CHST12: variants seen among roughly 807,000 people sequenced by gnomAD.
CHST12 encodes carbohydrate sulfotransferase 12.
In CHST12, 23 loss-of-function variants were observed where a neutral mutation model predicts 27.9. That is an observed-to-expected ratio of 0.82 (90% CI 0.59 to 1.17). The LOEUF is 1.17. Among genes scored for constraint, CHST12 ranks in the 50% most tolerant of loss-of-function variants. The pLI is 0.00. For synonymous variants in CHST12, 322 were observed against 273.0 expected (o/e 1.18, Z -1.77); for missense variants, 682 against 603.0 (o/e 1.13, Z -1.37).
Position 2,432,141 on chromosome 7 carries a change from CAAAAAAAAAAAAAAAA to C in CHST12, c.-77-401_-77-386del, listed in dbSNP as rs34061454. On this transcript the variant is annotated intron_variant, in intron 1 of 1. Transcript: ENST00000618655. ...TGGGCGACAGAGCGAGACTCCATAT[CAAAAAAAAAAAAAAAA>C]AAAAAAAAAAAAAAAAAAAATCAGC... 7.8e-3 allele frequency among the ~76,000 whole-genome samples: 133 copies of C among 17,110 alleles called. 2 individuals are homozygous for C. Among genetic ancestry groups the C allele is most frequent in the South Asian group, 0.069 (37 of 540 alleles). 11.2% of individuals were successfully genotyped at this position (17,110 alleles called of 152,430 possible).
chr7:2,405,819 G>A (rs950224069), intron 1 of CHST12, among the ~76,000 whole-genome samples: 2 of 152,196 alleles, frequency 1.3e-5, no homozygotes, highest in African/African-American at 4.8e-5. Context: ...GTGGGTTTTA[G>A]ACCTGCAGAG....
rs1206460610 is a variant in CHST12 at position 2,432,650 on chromosome 7, C to T, written c.11C>T (p.Ala4Val). ...CCCGCCCGGGGCAGGATGACCAAGGCCCGGCTGTTCCGGCTGTGGCTGGTG... is the reference window on the plus strand; with the variant it reads ...CCCGCCCGGGGCAGGATGACCAAGGTCCGGCTGTTCCGGCTGTGGCTGGTG... MTKARLFRLWLVLG... is the reference protein window; with the variant it reads MTKVRLFRLWLVLG... The change falls in exon 2 of 2, where the codon GCC (alanine) becomes GTC (valine). Residue 4 changes from alanine (A) to valine (V), a missense_variant. Ala to Val is a moderately conservative substitution (Grantham distance 64). Coordinates refer to ENST00000618655, the MANE Select transcript of CHST12 (RefSeq NM_018641.5). 6 of 1,607,658 alleles carry T rather than the reference C, an allele frequency of 3.7e-6. No homozygotes were observed. Among genetic ancestry groups the T allele is most frequent in the African/African-American group, 1.3e-5 (1 of 74,936 alleles).
At chr7:2,403,454 G>T (rs1330494571), upstream of CHST12, 1 of 152,058 alleles carries the variant, frequency 6.6e-6, no homozygotes, top group Non-Finnish European at 1.5e-5. Flanking sequence ...GAGGGCGGGG[G>T]CGGGCGGGCT....
intron 1 of CHST12, among the ~76,000 whole-genome samples, chr7:2,421,438 CTTT>C (rs566799688): frequency 7.9e-6 from 1 of 127,198 alleles, no homozygotes; most frequent in Non-Finnish European, 1.7e-5. Flanking sequence ...TTTTTTTTTA[CTTT>C]TTTTTTTTTT....
rs869123293 is a variant in CHST12, at chr7:2,434,579, T to TAAAAAAAAAAAAAA, written c.*719_*732dup. 5.7e-4 allele frequency: 12 copies of TAAAAAAAAAAAAAA among 20,982 alleles called. 3 individuals carry two copies. The highest frequency in any genetic ancestry group is 2.6e-3 in the South Asian group (1 of 384). 1.3% of individuals were successfully genotyped at this position (20,982 alleles called of 1,614,324 possible). ...CAACATGGTGAAACCCTGTCTCTAC[T>TAAAAAAAAAAAAAA]AAAAAAAAAAAAAAAAAAAAAAAAA... On this transcript the variant is annotated 3_prime_UTR_variant, in exon 2 of 2. Transcript: ENST00000618655.
At chr7:2,414,000 A>T (rs1781738161) in intron 1 of CHST12, among the ~76,000 whole-genome samples, 1 of 151,982 alleles carries the variant, frequency 6.6e-6, no homozygotes, top group Non-Finnish European at 1.5e-5. Context: ...AAGTGCTGGG[A>T]TTACGGGCAT....
chr7:2,407,673 ATGCC>A (rs1227021860), intron 1 of CHST12, among the ~76,000 whole-genome samples: 2 of 152,060 alleles, frequency 1.3e-5, no homozygotes, highest in African/African-American at 4.8e-5. Flanking sequence ...GTGGTGGCTC[ATGCC>A]TGTAATCCCA....
At chr7:2,408,305 TA>T (rs1781573995) in intron 1 of CHST12, among the ~76,000 whole-genome samples, 1 of 137,758 alleles carries the variant, frequency 7.3e-6, no homozygotes, top group Non-Finnish European at 1.5e-5. Context: ...GAGGTAACGG[TA>T]AGTGGAGATC....
intron 1 of CHST12, among the ~76,000 whole-genome samples, chr7:2,425,119 C>T (rs547261842): frequency 1.3e-5 from 2 of 150,054 alleles, no homozygotes; most frequent in Non-Finnish European, 3.0e-5. Context: ...GGCAGAAAAT[C>T]GCATGAACCC....
intron 1 of CHST12, among the ~76,000 whole-genome samples, chr7:2,413,540 C>G (rs1781723511): frequency 6.6e-6 from 1 of 152,016 alleles, no homozygotes; most frequent in African/African-American, 2.4e-5. Context: ...CCTCTGCAGT[C>G]TATGATTTTC....
intron 1 of CHST12, among the ~76,000 whole-genome samples, chr7:2,410,638 G>A (rs1001528090): frequency 6.6e-6 from 1 of 152,194 alleles, no homozygotes; most frequent in Non-Finnish European, 1.5e-5. Context: ...TGCTGAGGAG[G>A]TGAGCGTCAA....
chr7:2,421,227 C>CTTTTTTTTTTTTT (rs60332594), intron 1 of CHST12, among the ~76,000 whole-genome samples: 4 of 92,012 alleles, frequency 4.3e-5, no homozygotes, highest in Admixed American at 1.3e-4. Flanking sequence ...CCTGCTAATT[C>CTTTTTTTTTTTTT]TTTTTTTTTT....
Position 2,434,616 on chromosome 7 carries a change from AT to A in CHST12, c.*733del, listed in dbSNP as rs1182837897. The A allele has an allele frequency of 4.7e-5, 6 of 128,138 alleles. No individual in the cohort carries two copies. Among genetic ancestry groups the A allele is most frequent in the African/African-American group, 1.8e-4 (5 of 28,142 alleles). The allele number at this position is 128,138 out of a possible 1,614,324, so 7.9% of individuals were successfully genotyped here. ...AAAAAAAAAAAAAAAAAAAAAAAAA[AT>A]GAGTCGGGTGTGGTGGTGTGCACCT... On this transcript the variant is annotated 3_prime_UTR_variant, in exon 2 of 2. Transcript: ENST00000618655.
intron 1 of CHST12, among the ~76,000 whole-genome samples, chr7:2,404,692 G>A (rs1178735429): frequency 6.6e-6 from 1 of 152,228 alleles, no homozygotes; most frequent in African/African-American, 2.4e-5. Flanking sequence ...GGGTAATGAG[G>A]AGATTGCTAC....
At chr7:2,413,283 T>C (rs1781714882) in intron 1 of CHST12, among the ~76,000 whole-genome samples, 2 of 152,222 alleles carry the variant, frequency 1.3e-5, no homozygotes, top group Admixed American at 1.3e-4. Flanking sequence ...ACTGTGGAAA[T>C]TGGTGAGAGC....
chr7:2,416,195 C>T (rs1476846863), intron 1 of CHST12, among the ~76,000 whole-genome samples: 1 of 152,204 alleles, frequency 6.6e-6, no homozygotes, highest in Non-Finnish European at 1.5e-5. Flanking sequence ...TAAGAAGCAA[C>T]TCTTCATCTG....
At position 2,408,270 on chromosome 7, in the gene CHST12, G is replaced by A. The variant is rs2115382513; in HGVS notation, c.-78+4597G>A. On this transcript the variant is annotated intron_variant, in intron 1 of 1. Coordinates refer to ENST00000618655, the MANE Select transcript of CHST12 (RefSeq NM_018641.5). Reference sequence around the variant, plus strand: ...CCAGCTGCCCAGGAGGCTGAGACAGGAGAATTGCTTGAACCTGGGAGGCGG... The same window carrying A: ...CCAGCTGCCCAGGAGGCTGAGACAGAAGAATTGCTTGAACCTGGGAGGCGG... Among the ~76,000 whole-genome samples the A allele has an allele frequency of 1.3e-5, 2 of 150,638 alleles. 1 individual carries two copies. Among genetic ancestry groups the A allele is most frequent in the South Asian group, 4.2e-4 (2 of 4,736 alleles).
intron 1 of CHST12, among the ~76,000 whole-genome samples, chr7:2,410,188 G>A (rs566836216): frequency 2.6e-5 from 4 of 152,274 alleles, no homozygotes; most frequent in African/African-American, 9.6e-5. Flanking sequence ...TCAGAAATTA[G>A]GCAATCAGAG....
chr7:2,415,210 CA>C (rs1389358897), intron 1 of CHST12, among the ~76,000 whole-genome samples: 5 of 152,050 alleles, frequency 3.3e-5, no homozygotes, highest in Non-Finnish European at 7.4e-5. Flanking sequence ...ACTAAAAATA[CA>C]AAAAATTAGC....
Sources: gnomAD v4.1 joint callset for allele counts (sites outside exome capture counted in the v4.1 genomes callset) on GRCh38, gnomAD v4.1.1 for gene constraint, MANE v1.5 for transcripts, NCBI Gene and HGNC (gene_info 2026-07-23, HGNC 2026-07-21) for gene names.